The following REV3L variants were observed in gnomAD, a reference collection of about 807,000 sequenced individuals.
The protein encoded by REV3L is REV3 like, DNA directed polymerase zeta catalytic subunit.
Under a neutral mutation model 299.4 loss-of-function variants are expected in REV3L, and 69 were observed. That is an observed-to-expected ratio of 0.23 (90% CI 0.19 to 0.28). The LOEUF (loss-of-function observed/expected upper bound fraction) is 0.28, where lower values mean the gene tolerates loss of function less well. Among genes scored for constraint, REV3L ranks in the 10% least tolerant of loss-of-function variants. REV3L has a pLI of 1.00. For synonymous variants in REV3L, 1,238 were observed against 1,271.4 expected (o/e 0.97, Z 0.56); for missense variants, 3,128 against 3,693.8 (o/e 0.85, Z 3.97).
chr6:111,386,034 A>C (rs1187161540), intron 9 of REV3L, among the ~76,000 whole-genome samples: 5 of 152,190 alleles, frequency 3.3e-5, no homozygotes, highest in Non-Finnish European at 5.9e-5. Flanking sequence ...TAAAACTTTT[A>C]TTATTGTCTT....
At chr6:111,324,888 G>T (rs1486257495) in intron 25 of REV3L, among the ~76,000 whole-genome samples, 1 of 149,962 alleles carries the variant, frequency 6.7e-6, no homozygotes, top group African/African-American at 2.5e-5. Context: ...TTGAGATGGA[G>T]TCTCACTCTG....
At chr6:111,365,436 C>T (rs1779093560) in intron 14 of REV3L, 92 bp from the exon 15 acceptor site, 1 of 611,016 alleles carries the variant, frequency 1.6e-6, no homozygotes, top group African/African-American at 1.9e-5. Flanking sequence ...CACTTAAGTA[C>T]CACTTGTGGG....
At chr6:111,335,126 AT>A (rs776357428) in intron 22 of REV3L, among the ~76,000 whole-genome samples, 5 of 152,148 alleles carry the variant, frequency 3.3e-5, no homozygotes, top group Non-Finnish European at 7.3e-5. Context: ...TATTAAAATT[AT>A]CTATGGGAAG....
intron 1 of REV3L, among the ~76,000 whole-genome samples, chr6:111,468,143 T>C (rs1791731440): frequency 1.3e-5 from 2 of 152,200 alleles, no homozygotes; most frequent in African/African-American, 4.8e-5. Context: ...AGGATCCTTT[T>C]GAAGTTTTTC....
At chr6:111,430,908 G>A in intron 1 of REV3L, 1 of 1,605,114 alleles carries the variant, frequency 6.2e-7, no homozygotes. Flanking sequence ...CTCATTGTAG[G>A]AGAGCCAGGC....
Position 111,375,142 on chromosome 6 carries a change from T to C in REV3L, c.3213A>G (p.Lys1071=), listed in dbSNP as rs758961389. 2 of 1,608,318 alleles carry C rather than the reference T, an allele frequency of 1.2e-6. No homozygotes were observed. The highest frequency in any genetic ancestry group is 1.7e-6 in the Non-Finnish European group (2 of 1,178,478). ...KQQRTNNENI[K]RTLSFRKKRS... ...GTTTTTTCCTGAAAGACAAAGTTCT[T>C]TTAATATTTTCATTATTTGTCCTTT... The change falls in exon 13 of 32, where the codon AAA becomes AAG. Residue 1071 remains lysine, a synonymous_variant. Coordinates refer to ENST00000368802, the MANE Select transcript of REV3L (RefSeq NM_001372078.1).
intron 4 of REV3L, among the ~76,000 whole-genome samples, chr6:111,402,601 C>A (rs944485677): frequency 6.6e-6 from 1 of 152,114 alleles, no homozygotes; most frequent in African/African-American, 2.4e-5. Flanking sequence ...AAGGGCTGAT[C>A]CCACTAACCT....
chr6:111,374,979 G>A lies in REV3L; in HGVS notation c.3376C>T (p.Pro1126Ser), dbSNP rs1286572826. 6.2e-7 allele frequency: 1 copy of A among 1,612,526 alleles called. No homozygotes were observed. Among genetic ancestry groups the A allele is most frequent in the Non-Finnish European group, 8.5e-7 (1 of 1,179,524 alleles). ...GGATCTGTGGGAGACCAGCAGCGAG[G>A]TGGAGAAGAATTTATGGGACTTGTG... Reference protein sequence around the residue: ...RSTSPINSSPPRCWSPTDPRA... With the variant: ...RSTSPINSSPSRCWSPTDPRA... Residue 1126 changes from proline to serine, a missense_variant, in exon 13 of 32, where the codon CCT becomes TCT. This residue lies in a region of REV3L where 2,409 missense variants were observed against 2,611.8 expected (regional missense o/e 0.92). Transcript: ENST00000368802.
intron 2 of REV3L, chr6:111,412,334 A>C: frequency 1.2e-6 from 1 of 868,394 alleles, no homozygotes; most frequent in Non-Finnish European, 1.4e-6. Flanking sequence ...GCTATATAAC[A>C]GGAAGAGAAA....
chr6:111,429,712 G>A (rs1786638635), intron 1 of REV3L, among the ~76,000 whole-genome samples: 1 of 152,190 alleles, frequency 6.6e-6, no homozygotes, highest in Non-Finnish European at 1.5e-5. Flanking sequence ...CTCGAGAGGG[G>A]CCTCGCGGGC....
At chr6:111,420,944 T>C (rs1379995495) in intron 1 of REV3L, among the ~76,000 whole-genome samples, 1 of 151,992 alleles carries the variant, frequency 6.6e-6, no homozygotes, top group Non-Finnish European at 1.5e-5. Context: ...ATCAAGACCA[T>C]CCTGGCCAAC....
chr6:111,321,999 T>G (rs1004357749), intron 26 of REV3L, among the ~76,000 whole-genome samples: 2 of 152,224 alleles, frequency 1.3e-5, no homozygotes, highest in African/African-American at 2.4e-5. Context: ...CTTACATTAT[T>G]AATAACGTGC....
rs545666444 is a variant in REV3L at position 111,368,135 on chromosome 6, A to C, written c.5760-107T>G. 9.8e-6 allele frequency: 9 copies of C among 917,280 alleles called. No individual in the cohort carries two copies. The East Asian group carries it at 1.3e-4, about 13-fold the overall frequency. The allele number at this position is 917,280 out of a possible 1,614,324, so 56.8% of individuals were successfully genotyped here. A position where few individuals can be genotyped will look rare whatever the true frequency, so the allele number is the denominator to read the frequency against. The stretch of plus-strand genomic sequence containing the variant: ...CCCTTTTGGAGTCTCAAAAATGTCC[A>C]TGTCTATCTTCCCTGCCCCCTCTAT... On this transcript the variant is annotated intron_variant, in intron 13 of 31. Coordinates refer to ENST00000368802, the MANE Select transcript of REV3L (RefSeq NM_001372078.1).
At chr6:111,327,207 C>A (rs919868798) in intron 25 of REV3L, among the ~76,000 whole-genome samples, 176 of 152,206 alleles carry the variant, frequency 1.2e-3, no homozygotes, top group Non-Finnish European at 1.1e-3. Flanking sequence ...TACTAAAATA[C>A]ATTAATAAAC....
chr6:111,468,099 C>T (rs1244123961), intron 1 of REV3L, among the ~76,000 whole-genome samples: 2 of 152,138 alleles, frequency 1.3e-5, no homozygotes, highest in African/African-American at 4.8e-5. Flanking sequence ...CATAATAAAA[C>T]CAAACCTAGA....
Position 111,422,665 on chromosome 6 carries a change from T to TATATATATATACGTATATATATATAC in REV3L, c.140-6194_140-6193insGTATATATATATACGTATATATATAT, listed in dbSNP as rs1562287955. ...ATATATATACATATATATATATACA[T>TATATATATATACGTATATATATATAC]ATATATATATATACGTATATATATA... is the stretch of plus-strand genomic sequence containing the variant. On this transcript the variant is annotated intron_variant, in intron 1 of 31. Transcript: ENST00000368802. 6.7e-4 allele frequency among the ~76,000 whole-genome samples: 25 copies of TATATATATATACGTATATATATATAC among 37,462 alleles called. 3 individuals carry two copies. Among genetic ancestry groups the TATATATATATACGTATATATATATAC allele is most frequent in the African/African-American group, 1.3e-3 (23 of 17,344 alleles). The allele number at this position is 37,462 out of a possible 152,430, so 24.6% of individuals were successfully genotyped here.
intron 4 of REV3L, among the ~76,000 whole-genome samples, chr6:111,395,474 A>T (rs899264994): frequency 6.6e-6 from 1 of 152,066 alleles, no homozygotes; most frequent in Non-Finnish European, 1.5e-5. Flanking sequence ...GCCTTAATAA[A>T]TGGGATTGTG....
rs552733755 is a variant in REV3L at position 111,402,891 on chromosome 6, C to A, written c.565+2579G>T. On this transcript the variant is annotated intron_variant, in intron 4 of 31. Coordinates refer to ENST00000368802, the MANE Select transcript of REV3L (RefSeq NM_001372078.1). The stretch of plus-strand genomic sequence containing the variant: ...GCAAAAGATGCTAAAACACTTGACA[C>A]AGAAATTCTACTCCCAGGTAGGTGT... Among the ~76,000 whole-genome samples the A allele has an allele frequency of 5.3e-5, 8 of 152,244 alleles. 1 individual carries two copies. In the East Asian group the frequency reaches 7.7e-4, roughly 15 times the overall value.
At chr6:111,332,574 C>T (rs1462692160) in intron 23 of REV3L, among the ~76,000 whole-genome samples, 2 of 151,792 alleles carry the variant, frequency 1.3e-5, no homozygotes, top group Non-Finnish European at 2.9e-5. Context: ...CTAAAACCAA[C>T]ACATGATCTC....
Sources: allele counts gnomAD v4.1 joint callset (sites outside exome capture counted in the v4.1 genomes callset), GRCh38; gene constraint gnomAD v4.1.1; regional missense constraint gnomAD v4.1.1; transcripts MANE v1.5; gene names NCBI Gene and HGNC (gene_info 2026-07-23, HGNC 2026-07-21).